The following TNFSF4 variants were observed in gnomAD, a reference collection of about 807,000 sequenced individuals.
TNFSF4 encodes the protein tumor necrosis factor ligand superfamily member 4.
A neutral mutation model predicts 7.3 loss-of-function variants in TNFSF4; 4 were observed. That is an observed-to-expected ratio of 0.55 (90% CI 0.27 to 1.25). The LOEUF (loss-of-function observed/expected upper bound fraction) is 1.25, where lower values mean the gene tolerates loss of function less well. Ranked by LOEUF, TNFSF4 falls within the 50% of genes most tolerant of loss-of-function variation. The pLI, the probability that TNFSF4 is intolerant of heterozygous loss-of-function variation, is 0.12. For synonymous variants in TNFSF4, 76 were observed against 83.7 expected, an observed-to-expected ratio of 0.91 and a Z score of 0.50; for missense variants, 181 against 208.8, an observed-to-expected ratio of 0.87 and a Z score of 0.82.
chr1:173,220,277 T>G, the TNFSF4 span, among the ~76,000 whole-genome samples: 2 of 152,100 alleles, frequency 1.3e-5, no homozygotes, highest in East Asian at 1.9e-4. Flanking sequence ...TAGCAAAAAC[T>G]CAAGGAGCAG....
the TNFSF4 span, among the ~76,000 whole-genome samples, chr1:173,236,063 C>A: frequency 6.6e-6 from 1 of 152,100 alleles, no homozygotes; most frequent in East Asian, 1.9e-4. Flanking sequence ...TATTTTTCTG[C>A]TGAAAAGCCA....
the TNFSF4 span, among the ~76,000 whole-genome samples, chr1:173,326,922 C>T: frequency 3.3e-5 from 5 of 152,120 alleles, no homozygotes; most frequent in Admixed American, 6.5e-5. Flanking sequence ...GAATCAGTAT[C>T]GTGAAAATGG....
At chr1:173,378,709 CA>C in the TNFSF4 span, among the ~76,000 whole-genome samples, 6 of 152,156 alleles carry the variant, frequency 3.9e-5, no homozygotes, top group East Asian at 1.9e-4. Context: ...GGAGAATACA[CA>C]ACTATGCAAA....
At chr1:173,212,423 A>G in the TNFSF4 span, among the ~76,000 whole-genome samples, 2 of 152,108 alleles carry the variant, frequency 1.3e-5, no homozygotes, top group Non-Finnish European at 2.9e-5. Context: ...TTTCACCATT[A>G]CTTTCTATGA....
At chr1:173,178,051 C>T in the TNFSF4 span, among the ~76,000 whole-genome samples, 6 of 152,158 alleles carry the variant, frequency 3.9e-5, no homozygotes, top group Non-Finnish European at 5.9e-5. Flanking sequence ...AATACCCTCT[C>T]CTTATTATCC....
the TNFSF4 span, among the ~76,000 whole-genome samples, chr1:173,219,712 C>G: frequency 6.6e-6 from 1 of 151,958 alleles, no homozygotes; most frequent in African/African-American, 2.4e-5. Context: ...CAATACTACT[C>G]AGCCATAAAA....
chr1:173,420,436 C>T, the TNFSF4 span, among the ~76,000 whole-genome samples: 1 of 152,174 alleles, frequency 6.6e-6, no homozygotes, highest in African/African-American at 2.4e-5. Context: ...TGTCATGACG[C>T]GGCCTTGGTG....
intron 1 of TNFSF4, among the ~76,000 whole-genome samples, chr1:173,197,672 G>A (rs565552248): frequency 1.3e-5 from 2 of 152,252 alleles, no homozygotes; most frequent in East Asian, 3.9e-4. Flanking sequence ...CAACACTGGC[G>A]CCTGTTGCAG....
At chr1:173,416,167 G>C in the TNFSF4 span, among the ~76,000 whole-genome samples, 9 of 152,180 alleles carry the variant, frequency 5.9e-5, no homozygotes, top group South Asian at 1.9e-3. Flanking sequence ...GATGTGGTGG[G>C]TGGTGATAGT....
At chr1:173,366,980 C>G in the TNFSF4 span, among the ~76,000 whole-genome samples, 1 of 152,154 alleles carries the variant, frequency 6.6e-6, no homozygotes, top group Non-Finnish European at 1.5e-5. Flanking sequence ...CTTCTAAGCC[C>G]CTGGGAGGGG....
the TNFSF4 span, among the ~76,000 whole-genome samples, chr1:173,427,157 A>G: frequency 6.6e-6 from 1 of 152,194 alleles, no homozygotes; most frequent in African/African-American, 2.4e-5. Context: ...AATCATAGTG[A>G]ATGGCCTAGG....
intron 1 of TNFSF4, among the ~76,000 whole-genome samples, chr1:173,197,182 C>T (rs1000270959): frequency 9.2e-5 from 14 of 152,160 alleles, no homozygotes; most frequent in African/African-American, 2.7e-4. Context: ...GCAACAGATG[C>T]TGGTGAGGTT....
chr1:173,324,401 G>A, the TNFSF4 span, among the ~76,000 whole-genome samples: 2 of 152,280 alleles, frequency 1.3e-5, no homozygotes, highest in Admixed American at 6.5e-5. Context: ...ACCAGCCACT[G>A]CAAAAACATG....
At chr1:173,427,338 G>T in the TNFSF4 span, among the ~76,000 whole-genome samples, 14 of 152,098 alleles carry the variant, frequency 9.2e-5, no homozygotes, top group African/African-American at 2.7e-4. Context: ...GTCACAACTG[G>T]GGAGTGGCTG....
upstream of TNFSF4, among the ~76,000 whole-genome samples, chr1:173,209,324 C>T (rs1234315): frequency 0.57 from 86,437 of 152,002 alleles, 26,309 homozygotes; most frequent in African/African-American, 0.8. Flanking sequence ...AAGTTCATCA[C>T]TGGGCTAGTC....
At chr1:173,237,518 A>C in the TNFSF4 span, among the ~76,000 whole-genome samples, 3 of 152,198 alleles carry the variant, frequency 2.0e-5, no homozygotes, top group Non-Finnish European at 2.9e-5. Flanking sequence ...CCATAGTCTC[A>C]GCCCAAAAGC....
chr1:173,408,082 T>G, the TNFSF4 span, among the ~76,000 whole-genome samples: 4 of 152,192 alleles, frequency 2.6e-5, no homozygotes, highest in African/African-American at 9.7e-5. Context: ...AGCCTCCAGA[T>G]CTGTGGAAAA....
the TNFSF4 span, among the ~76,000 whole-genome samples, chr1:173,231,800 G>A: frequency 9.9e-5 from 15 of 152,130 alleles, no homozygotes; most frequent in African/African-American, 3.4e-4. Context: ...AAAATCACAA[G>A]CATTCTTATA....
At chr1:173,362,615 C>T in the TNFSF4 span, 225 of 493,868 alleles carry the variant, frequency 4.6e-4, 9 homozygotes, top group South Asian at 3.0e-3. Flanking sequence ...GTAAGTTTTG[C>T]ATGCTGCTGG....
Sources: allele counts gnomAD v4.1 joint callset (sites outside exome capture counted in the v4.1 genomes callset), GRCh38; gene constraint gnomAD v4.1.1; transcripts MANE v1.5; gene names NCBI Gene and HGNC (gene_info 2026-07-23, HGNC 2026-07-21).